AK6: variants seen among roughly 807,000 people sequenced by gnomAD.
The protein encoded by AK6 is adenylate kinase 6.
A neutral mutation model predicts 23.7 loss-of-function variants in AK6; 24 were observed. The ratio of observed to expected loss-of-function variants is 1.01; its 90% CI spans 0.73 to 1.43. AK6 has a LOEUF of 1.43. AK6 is among the 40% of genes most tolerant of loss of function. AK6 has a pLI of 0.00. For missense variants in AK6, 191 were observed against 199.1 expected, an observed-to-expected ratio of 0.96 and a Z score of 0.24; for synonymous variants, 73 against 69.8, an observed-to-expected ratio of 1.05 and a Z score of -0.23.
chr5:69,366,122 C>T (rs1339475290), intron 2 of AK6, among the ~76,000 whole-genome samples: 1 of 152,204 alleles, frequency 6.6e-6, no homozygotes, highest in East Asian at 1.9e-4. Flanking sequence ...CACACCTGAG[C>T]TCAAAACAGT....
Position 69,364,637 on chromosome 5 carries a change from A to G in AK6, c.121+1866T>C, listed in dbSNP as rs1252034565. 8.7e-6 allele frequency: 4 copies of G among 458,988 alleles called. No individual in the cohort carries two copies. The Admixed American group carries it at 1.5e-4, about 17-fold the overall frequency. The allele number at this position is 458,988 out of a possible 1,614,324, so 28.4% of individuals were successfully genotyped here. A position where few individuals can be genotyped will look rare whatever the true frequency, so the allele number is the denominator to read the frequency against. The stretch of plus-strand genomic sequence containing the variant: ...TTAAGGTGACACTCTAGTGGTCAAA[A>G]ATAGACTGCAGTACTGCAAATTGCT... On this transcript the variant is annotated intron_variant, in intron 2 of 4. Transcript: ENST00000380822.
In AK6 at chr5:69,351,857, C is replaced by T; in HGVS notation, c.*204G>A. The stretch of plus-strand genomic sequence containing the variant: ...TAAGTATTAAAATCACAGTTTTTGT[C>T]TCAATCCTTAATAATACTATATTCA... On this transcript the variant is annotated 3_prime_UTR_variant, in exon 5 of 5. Transcript: ENST00000380822. The T allele has an allele frequency of 2.6e-6, 1 of 392,026 alleles. No homozygotes were observed. Among genetic ancestry groups the T allele is most frequent in the South Asian group, 1.4e-4 (1 of 7,150 alleles). The allele number at this position is 392,026 out of a possible 1,614,324, so 24.3% of individuals were successfully genotyped here. A position where few individuals can be genotyped will look rare whatever the true frequency, so the allele number is the denominator to read the frequency against.
intron 2 of AK6, chr5:69,365,120 G>A (rs1762363106): frequency 6.2e-7 from 1 of 1,614,214 alleles, no homozygotes; most frequent in Non-Finnish European, 8.5e-7. Flanking sequence ...GAACTGCTGA[G>A]GTTGCAGGAA....
upstream of AK6, chr5:69,369,774 G>T: frequency 6.9e-7 from 1 of 1,447,014 alleles, no homozygotes; most frequent in Non-Finnish European, 9.5e-7. Flanking sequence ...GGTGGTCCCC[G>T]CCCTTCGCTT....
intron 2 of AK6, among the ~76,000 whole-genome samples, chr5:69,360,798 G>C (rs1762211867): frequency 6.6e-6 from 1 of 152,132 alleles, no homozygotes; most frequent in East Asian, 1.9e-4. Flanking sequence ...TCTGTAAAGG[G>C]CCAGGTAATA....
In AK6 at chr5:69,355,896, CTG is replaced by C. The variant is rs1170393871; in HGVS notation, c.177_178del (p.Asp59GlufsTer4). 6.2e-7 allele frequency: 1 copy of C among 1,609,586 alleles called. No homozygotes were observed. The highest frequency in any genetic ancestry group is 2.2e-5 in the East Asian group (1 of 44,808). On this transcript the variant is annotated frameshift_variant and splice_region_variant, in exon 3 of 5. Coordinates refer to ENST00000380822, the MANE Select transcript of AK6 (RefSeq NM_016283.5). LOFTEE classifies it high-confidence loss of function. ...ACTTTATGAAAAAGTCATACTTACT[CTG>C]TCTTCATCTAAAATGGGACAGTCAT...
intron 4 of AK6, among the ~76,000 whole-genome samples, chr5:69,353,475 C>A (rs1227233474): frequency 1.3e-5 from 2 of 151,492 alleles, no homozygotes; most frequent in African/African-American, 4.9e-5. Context: ...TCTTTGTATT[C>A]CTAGTAGAGA....
intron 2 of AK6, among the ~76,000 whole-genome samples, chr5:69,361,682 G>A (rs1762241373): frequency 6.6e-6 from 1 of 151,062 alleles, no homozygotes; most frequent in East Asian, 1.9e-4. Flanking sequence ...TCGGGTCACC[G>A]CAGCCTCCGC....
intron 2 of AK6, among the ~76,000 whole-genome samples, chr5:69,361,490 G>A (rs900788036): frequency 6.6e-6 from 1 of 151,838 alleles, no homozygotes; most frequent in Non-Finnish European, 1.5e-5. Context: ...CCAGACTGGA[G>A]TACAGTGGCA....
intron 1 of AK6, 56 bp downstream of exon 1, chr5:69,369,407 G>A (rs1762746399): frequency 6.3e-7 from 1 of 1,594,224 alleles, no homozygotes; most frequent in Non-Finnish European, 8.5e-7. Context: ...GATGCCCAGA[G>A]CACTCTGCGC....
At chr5:69,368,644 A>G (rs939674613) in intron 1 of AK6, among the ~76,000 whole-genome samples, 14 of 152,310 alleles carry the variant, frequency 9.2e-5, no homozygotes, top group African/African-American at 3.4e-4. Context: ...TGAATGATGT[A>G]ACTTTACTGT....
At chr5:69,363,876 C>A (rs1762311880) in intron 2 of AK6, among the ~76,000 whole-genome samples, 1 of 151,992 alleles carries the variant, frequency 6.6e-6, no homozygotes, top group Admixed American at 6.6e-5. Context: ...TCACTTGAGG[C>A]CAGGAGTTCA....
At chr5:69,352,885 C>T (rs1761983427) in intron 4 of AK6, among the ~76,000 whole-genome samples, 3 of 152,140 alleles carry the variant, frequency 2.0e-5, no homozygotes. Context: ...CCCAGCAATT[C>T]AATTCCTAGA....
chr5:69,362,150 T>A (rs1762258426), intron 2 of AK6, among the ~76,000 whole-genome samples: 1 of 152,078 alleles, frequency 6.6e-6, no homozygotes, highest in South Asian at 2.1e-4. Context: ...AAGCCTTATT[T>A]CTTTACAGCA....
At chr5:69,354,423 G>T (rs950955184) in intron 4 of AK6, among the ~76,000 whole-genome samples, 20 of 152,144 alleles carry the variant, frequency 1.3e-4, no homozygotes, top group African/African-American at 7.2e-5. Flanking sequence ...AAATAATAGT[G>T]GTTAGTCAGA....
In AK6 at chr5:69,352,001, T is replaced by C; in HGVS notation, c.*60A>G. The C allele has an allele frequency of 6.9e-7, 1 of 1,446,186 alleles. No homozygotes were observed. Among genetic ancestry groups the C allele is most frequent in the Non-Finnish European group, 9.3e-7 (1 of 1,070,346 alleles). The allele number at this position is 1,446,186 out of a possible 1,614,324, so 89.6% of individuals were successfully genotyped here. ...TAAAGTGTTACTGACACTTGAACAA[T>C]TTCTATGATGTCGGCAGAGATATCA... On this transcript the variant is annotated 3_prime_UTR_variant, in exon 5 of 5. Coordinates refer to ENST00000380822, the MANE Select transcript of AK6 (RefSeq NM_016283.5).
chr5:69,355,421 G>A (rs1411149679), intron 4 of AK6: 1 of 457,236 alleles, frequency 2.2e-6, no homozygotes, highest in African/African-American at 2.0e-5. Flanking sequence ...TGGTCTGTTA[G>A]TCAGGAGGCT....
chr5:69,369,297 G>A, intron 1 of AK6, 166 bp downstream of exon 1: 2 of 219,496 alleles, frequency 9.1e-6, no homozygotes, highest in African/African-American at 4.9e-5. Flanking sequence ...CTCGCCTCCC[G>A]CAACGCCCGC....
chr5:69,367,171 C>A (rs1019021019), intron 1 of AK6, among the ~76,000 whole-genome samples: 3 of 152,066 alleles, frequency 2.0e-5, no homozygotes, highest in Non-Finnish European at 2.9e-5. Context: ...CAGATTCTGA[C>A]GCCAATTCAA....
Sources: allele counts gnomAD v4.1 joint callset (sites outside exome capture counted in the v4.1 genomes callset), GRCh38; gene constraint gnomAD v4.1.1; transcripts MANE v1.5; gene names NCBI Gene and HGNC (gene_info 2026-07-23, HGNC 2026-07-21).